The following LARGE1 variants were observed in gnomAD, a reference collection of about 807,000 sequenced individuals.
The protein encoded by LARGE1 is LARGE xylosyl- and glucuronyltransferase 1.
Under a neutral mutation model 87.6 loss-of-function variants are expected in LARGE1, and 43 were observed. The ratio of observed to expected loss-of-function variants is 0.49; its 90% CI spans 0.38 to 0.63. LARGE1 has a LOEUF of 0.63. LARGE1 is among the 30% of genes least tolerant of loss of function. LARGE1 has a pLI of 0.00. For synonymous variants in LARGE1, 434 were observed against 394.6 expected (o/e 1.10, Z -1.18); for missense variants, 802 against 1,000.2 (o/e 0.80, Z 2.67).
rs910969578 is a variant in LARGE1, at chr22:33,257,593, G to T, written c.1730+46636C>A. Among the ~76,000 whole-genome samples, 4 of 152,158 alleles carry T rather than the reference G, an allele frequency of 2.6e-5. No homozygotes were observed. The South Asian group carries it at 8.3e-4, about 32-fold the overall frequency. The stretch of plus-strand genomic sequence containing the variant: ...TAGGAGATAACGCATCTGCCCAGAG[G>T]ACACAGAAAGCCTTTAAATAGCCCT... On this transcript the variant is annotated intron_variant, in intron 11 of 11. Coordinates refer to the LARGE1 transcript ENST00000608642.
intron 3 of LARGE1, among the ~76,000 whole-genome samples, chr22:33,634,263 GCTTGTT>G (rs976411705): frequency 3.3e-5 from 5 of 152,136 alleles, no homozygotes; most frequent in African/African-American, 1.2e-4. Context: ...ACCTGGAGGG[GCTTGTT>G]ACAACAGAGT....
chr22:33,878,751 A>G (rs2064564817), intron 1 of LARGE1, among the ~76,000 whole-genome samples: 1 of 152,172 alleles, frequency 6.6e-6, no homozygotes, highest in African/African-American at 2.4e-5. Context: ...AGGCTTCTCC[A>G]GGCCATCACC....
At chr22:33,411,041 C>T (rs1054918264) in intron 7 of LARGE1, among the ~76,000 whole-genome samples, 9 of 152,170 alleles carry the variant, frequency 5.9e-5, no homozygotes, top group African/African-American at 2.2e-4. Context: ...CATATCCTTC[C>T]TTCTTTCCCT....
Position 33,744,986 on chromosome 22 carries a change from C to T in LARGE1, c.106+16385G>A, listed in dbSNP as rs371983826. Among the ~76,000 whole-genome samples the T allele has an allele frequency of 2.0e-4, 30 of 152,262 alleles. No individual in the cohort carries two copies. In the South Asian group the frequency reaches 5.0e-3, roughly 25 times the overall value. On this transcript the variant is annotated intron_variant, in intron 2 of 14. Transcript: ENST00000397394. ...TGTGTCATGAACATAAATGCAAGTGCTTTAGAGCAGCACACACGGCAAAGC... is the reference window on the plus strand; with the variant it reads ...TGTGTCATGAACATAAATGCAAGTGTTTTAGAGCAGCACACACGGCAAAGC...
chr22:33,269,217 T>C (rs1382159406), downstream of LARGE1, among the ~76,000 whole-genome samples: 1 of 152,242 alleles, frequency 6.6e-6, no homozygotes, highest in Non-Finnish European at 1.5e-5. Context: ...AATCTAAATG[T>C]AAGGGATAAA....
At chr22:33,702,025 CCTT>C (rs1010030267) in intron 2 of LARGE1, among the ~76,000 whole-genome samples, 1 of 152,330 alleles carries the variant, frequency 6.6e-6, no homozygotes, top group Admixed American at 6.5e-5. Context: ...CTGTCCCAAT[CCTT>C]CTCATCTGCA....
chr22:33,746,311 C>G lies in LARGE1; in HGVS notation c.106+15060G>C, dbSNP rs554398133. ...GAGGAAGAAACTAGTTACTACAAGT[C>G]AAGGACTTGGTGCCTGATGTACAAT... On this transcript the variant is annotated intron_variant, in intron 2 of 14. Coordinates refer to ENST00000397394, the MANE Select transcript of LARGE1 (RefSeq NM_133642.5). 14 of 152,344 alleles carry G rather than the reference C, an allele frequency of 9.2e-5. 1 individual carries two copies. In the South Asian group the frequency reaches 2.9e-3, roughly 32 times the overall value. 9.4% of individuals were successfully genotyped at this position (152,344 alleles called of 1,614,324 possible).
At chr22:33,291,853 G>A (rs1425778256) in intron 12 of LARGE1, among the ~76,000 whole-genome samples, 1 of 152,036 alleles carries the variant, frequency 6.6e-6, no homozygotes, top group African/African-American at 2.4e-5. Flanking sequence ...AGCACTTTGG[G>A]AGGCCGAGGT....
At chr22:33,475,787 TTTA>T (rs917915670) in intron 6 of LARGE1, among the ~76,000 whole-genome samples, 2 of 152,126 alleles carry the variant, frequency 1.3e-5, no homozygotes, top group African/African-American at 4.8e-5. Context: ...TTTTCACAGC[TTTA>T]TTGAGATATA....
intron 2 of LARGE1, among the ~76,000 whole-genome samples, chr22:33,724,557 A>G (rs1392495536): frequency 1.3e-5 from 2 of 152,186 alleles, no homozygotes; most frequent in Admixed American, 1.3e-4. Context: ...AGAAGGGAAG[A>G]GTTGATATAA....
At chr22:33,169,813 T>C (rs1434690783) in intron 11 of LARGE1, among the ~76,000 whole-genome samples, 1 of 151,364 alleles carries the variant, frequency 6.6e-6, no homozygotes, top group African/African-American at 2.4e-5. Context: ...ATCTTGCCAA[T>C]GCACTCCAGC....
At chr22:33,079,135 A>T in the LARGE1 span, among the ~76,000 whole-genome samples, 1 of 148,318 alleles carries the variant, frequency 6.7e-6, no homozygotes, top group African/African-American at 2.5e-5. Context: ...CTAGTAGTGT[A>T]GGGTGATGAT....
chr22:33,511,455 C>T (rs183445395), intron 6 of LARGE1, among the ~76,000 whole-genome samples: 7 of 152,262 alleles, frequency 4.6e-5, no homozygotes, highest in South Asian at 2.1e-4. Context: ...TTCCAGGGCA[C>T]GTCTAGCTCT....
chr22:33,410,632 T>C (rs967387066), intron 7 of LARGE1, among the ~76,000 whole-genome samples: 2 of 152,248 alleles, frequency 1.3e-5, no homozygotes, highest in African/African-American at 4.8e-5. Flanking sequence ...TGTGAGTCAG[T>C]TAATCCTCTT....
chr22:33,824,674 A>G (rs969928556), intron 1 of LARGE1, among the ~76,000 whole-genome samples: 1 of 152,212 alleles, frequency 6.6e-6, no homozygotes, highest in Non-Finnish European at 1.5e-5. Context: ...GTTTATATTT[A>G]ACCACAAAAT....
At chr22:33,912,451 C>T (rs1021478457) in intron 1 of LARGE1, among the ~76,000 whole-genome samples, 3 of 152,190 alleles carry the variant, frequency 2.0e-5, no homozygotes, top group Non-Finnish European at 4.4e-5. Context: ...CCATGGAGAG[C>T]TGGAAAGATC....
At chr22:33,530,851 C>T (rs2072162671) in intron 6 of LARGE1, among the ~76,000 whole-genome samples, 2 of 152,174 alleles carry the variant, frequency 1.3e-5, no homozygotes, top group South Asian at 4.1e-4. Flanking sequence ...ATTTGGTTAT[C>T]TAGTCATTTT....
intron 6 of LARGE1, among the ~76,000 whole-genome samples, chr22:33,443,223 C>CA (rs1210371029): frequency 6.6e-6 from 1 of 152,174 alleles, no homozygotes; most frequent in Non-Finnish European, 1.5e-5. Flanking sequence ...CAAGAAATCT[C>CA]AGAGTAGGGG....
In LARGE1 at chr22:33,275,507, G is replaced by A. The variant is rs377068612; in HGVS notation, c.2074-883C>T. The stretch of plus-strand genomic sequence containing the variant: ...GCAGCAAGAAAAGACAGTTGCTGGT[G>A]AGGAATGAGTGAGAAAAACCATCAA... On this transcript the variant is annotated intron_variant, in intron 14 of 14. Coordinates refer to ENST00000397394, the MANE Select transcript of LARGE1 (RefSeq NM_133642.5). Among the ~76,000 whole-genome samples the A allele has an allele frequency of 7.9e-4, 121 of 152,266 alleles. 1 individual carries two copies. Among genetic ancestry groups the A allele is most frequent in the African/African-American group, 2.7e-3 (114 of 41,554 alleles).
Sources: gnomAD v4.1 joint callset for allele counts (sites outside exome capture counted in the v4.1 genomes callset) on GRCh38, gnomAD v4.1.1 for gene constraint, MANE v1.5 for transcripts, NCBI Gene and HGNC (gene_info 2026-07-23, HGNC 2026-07-21) for gene names.